Variants in CATSPERT observed in about 807,000 individuals in gnomAD.
CATSPERT encodes catsper channel auxiliary subunit tau.
chr2:201,487,971 G>A, the CATSPERT span: 2 of 1,286,706 alleles, frequency 1.6e-6, no homozygotes, highest in East Asian at 2.4e-5. Context: ...AATTTACAAG[G>A]ACTTCTGACA....
the CATSPERT span, among the ~76,000 whole-genome samples, chr2:201,515,201 A>ATAG: frequency 4.3e-5 from 3 of 70,214 alleles, no homozygotes; most frequent in Non-Finnish European, 2.9e-5. Flanking sequence ...ATCTGCCCAT[A>ATAG]GTTTTTTTTT....
the CATSPERT span, among the ~76,000 whole-genome samples, chr2:201,528,581 TA>T: frequency 6.6e-6 from 1 of 150,930 alleles, no homozygotes. Context: ...GATGCAACTA[TA>T]AAAAAAAAGA....
the CATSPERT span, among the ~76,000 whole-genome samples, chr2:201,616,694 G>C: frequency 6.6e-6 from 1 of 152,192 alleles, no homozygotes; most frequent in Non-Finnish European, 1.5e-5. Flanking sequence ...CATGGTGTTG[G>C]AATTTCTGGC....
chr2:201,600,531 C>T, the CATSPERT span, among the ~76,000 whole-genome samples: 1 of 151,950 alleles, frequency 6.6e-6, no homozygotes, highest in African/African-American at 2.4e-5. Flanking sequence ...CACATATATA[C>T]CTATGTAACA....
At chr2:201,592,717 T>TA in the CATSPERT span, among the ~76,000 whole-genome samples, 1 of 152,204 alleles carries the variant, frequency 6.6e-6, no homozygotes, top group Non-Finnish European at 1.5e-5. Context: ...TGGGAGAGTG[T>TA]ATGTGCCGAC....
the CATSPERT span, among the ~76,000 whole-genome samples, chr2:201,525,296 T>TAAG: frequency 3.3e-5 from 5 of 152,106 alleles, no homozygotes; most frequent in African/African-American, 1.2e-4. Flanking sequence ...AGATCAATAC[T>TAAG]AAGAAAATTG....
At chr2:201,604,602 C>A in the CATSPERT span, 1 of 1,558,054 alleles carries the variant, frequency 6.4e-7, no homozygotes, top group South Asian at 1.2e-5. Context: ...GAGGGTTACT[C>A]ATACATACCA....
chr2:201,578,818 A>T, the CATSPERT span, among the ~76,000 whole-genome samples: 1 of 152,176 alleles, frequency 6.6e-6, no homozygotes, highest in African/African-American at 2.4e-5. Context: ...CTAATAAGTA[A>T]TGTCACATTT....
chr2:201,511,238 C>T, the CATSPERT span, among the ~76,000 whole-genome samples: 9 of 152,222 alleles, frequency 5.9e-5, no homozygotes, highest in South Asian at 6.2e-4. Flanking sequence ...AAAATAAATA[C>T]GCTTGTACCC....
chr2:201,512,047 CT>C, the CATSPERT span, among the ~76,000 whole-genome samples: 1 of 151,878 alleles, frequency 6.6e-6, no homozygotes, highest in African/African-American at 2.4e-5. Flanking sequence ...TCTTTTAAGT[CT>C]GTTGATTGTA....
At chr2:201,528,526 G>T in the CATSPERT span, among the ~76,000 whole-genome samples, 2 of 152,042 alleles carry the variant, frequency 1.3e-5, no homozygotes, top group Admixed American at 6.5e-5. Flanking sequence ...CCCATCAATG[G>T]TAGATTGGAT....
the CATSPERT span, among the ~76,000 whole-genome samples, chr2:201,539,911 G>A: frequency 1.3e-5 from 2 of 152,260 alleles, no homozygotes; most frequent in South Asian, 2.1e-4. Context: ...GCACCAAACA[G>A]CCCAGATGAG....
chr2:201,591,182 C>A, the CATSPERT span, among the ~76,000 whole-genome samples: 2 of 152,004 alleles, frequency 1.3e-5, no homozygotes, highest in African/African-American at 4.8e-5. Flanking sequence ...GGAAGGGATC[C>A]AGTTTCAGCT....
At chr2:201,579,386 A>G in the CATSPERT span, among the ~76,000 whole-genome samples, 11 of 151,998 alleles carry the variant, frequency 7.2e-5, no homozygotes, top group African/African-American at 2.4e-4. Context: ...TACTACAGGC[A>G]GGTGTCACCA....
the CATSPERT span, chr2:201,552,760 T>A: frequency 1.3e-5 from 2 of 152,192 alleles, no homozygotes; most frequent in Non-Finnish European, 2.9e-5. Context: ...CTCAATTACA[T>A]TTATCATCTT....
the CATSPERT span, among the ~76,000 whole-genome samples, chr2:201,536,784 A>C: frequency 6.6e-6 from 1 of 151,910 alleles, no homozygotes; most frequent in South Asian, 2.1e-4. Flanking sequence ...AAACTAAATA[A>C]ATTTAGCTTT....
the CATSPERT span, among the ~76,000 whole-genome samples, chr2:201,595,016 G>A: frequency 6.6e-6 from 1 of 152,114 alleles, no homozygotes; most frequent in Admixed American, 6.5e-5. Context: ...TTCCGTGGCT[G>A]GTGAGGAACT....
At chr2:201,551,634 GAC>G in the CATSPERT span, among the ~76,000 whole-genome samples, 1 of 152,142 alleles carries the variant, frequency 6.6e-6, no homozygotes, top group Middle Eastern at 3.2e-3. Context: ...AATGCCATGT[GAC>G]ACTAATCAAC....
At chr2:201,574,250 T>G in the CATSPERT span, 1 of 1,606,542 alleles carries the variant, frequency 6.2e-7, no homozygotes, top group Non-Finnish European at 8.5e-7. Flanking sequence ...TAGGAGAACA[T>G]AAATTCCACC....
Sources: gnomAD v4.1 joint callset for allele counts (sites outside exome capture counted in the v4.1 genomes callset) on GRCh38, gnomAD v4.1.1 for gene constraint, MANE v1.5 for transcripts, NCBI Gene and HGNC (gene_info 2026-07-23, HGNC 2026-07-21) for gene names.